Variants in GUCY2F observed in about 807,000 individuals in gnomAD.
GUCY2F encodes the protein guanylate cyclase 2F, retinal, also known as retinal guanylyl cyclase 2.
GUCY2F carries 61 observed loss-of-function variants against 73.1 expected under a neutral mutation model. The ratio of observed to expected loss-of-function variants is 0.83; its 90% CI spans 0.68 to 1.03. The LOEUF (loss-of-function observed/expected upper bound fraction) is 1.03, where lower values mean the gene tolerates loss of function less well. Ranked by LOEUF, GUCY2F falls within the 50% of genes least tolerant of loss-of-function variation. The probability of loss-of-function intolerance (pLI) is 0.00; values close to 1 mark genes in which losing one functional copy is unlikely to be tolerated. For synonymous variants in GUCY2F, 331 were observed against 307.8 expected (o/e 1.08, Z -0.79); for missense variants, 912 against 854.3 (o/e 1.07, Z -0.84).
At chrX:109,420,477 C>T (rs936456562) in intron 8 of GUCY2F, among the ~76,000 whole-genome samples, 4 of 109,719 alleles carry the variant, frequency 3.6e-5, no homozygotes, top group African/African-American at 6.6e-5. Context: ...ATAAATTGGA[C>T]AATTGGACTT....
At chrX:109,409,248 C>T in intron 8 of GUCY2F, 80 bp from the exon 9 acceptor site, 1 of 503,022 alleles carries the variant, frequency 2.0e-6, no homozygotes, top group Non-Finnish European at 3.5e-6. Context: ...ATAACCTTCT[C>T]TTGACCCTTC....
chrX:109,442,825 T>C (rs1296546779), intron 6 of GUCY2F, among the ~76,000 whole-genome samples: 1 of 111,676 alleles, frequency 9.0e-6, no homozygotes, highest in African/African-American at 3.3e-5. Context: ...AGGAATCTAT[T>C]TCCCTTTCAT....
chrX:109,441,145 A>G (rs1326905514), intron 7 of GUCY2F, among the ~76,000 whole-genome samples: 1 of 112,303 alleles, frequency 8.9e-6, no homozygotes, highest in Non-Finnish European at 1.9e-5. Context: ...TTGAAAGATC[A>G]GTGAAGTTAT....
At chrX:109,405,690 C>T (rs1049026982) in intron 9 of GUCY2F, among the ~76,000 whole-genome samples, 1 of 111,408 alleles carries the variant, frequency 9.0e-6, no homozygotes, top group Non-Finnish European at 1.9e-5. Context: ...CAAGATTCCC[C>T]CCATGTTGTC....
At chrX:109,445,048 G>A (rs1005939050) in intron 6 of GUCY2F, among the ~76,000 whole-genome samples, 2 of 111,247 alleles carry the variant, frequency 1.8e-5, no homozygotes, top group East Asian at 2.8e-4. Flanking sequence ...TAGTTTCTTC[G>A]TACAACATGG....
intron 1 of GUCY2F, among the ~76,000 whole-genome samples, chrX:109,477,994 C>G (rs993651129): frequency 3.6e-5 from 4 of 111,673 alleles, no homozygotes; most frequent in African/African-American, 1.3e-4. Flanking sequence ...AAGCCAGTGG[C>G]TGAGGGGTGT....
At position 109,475,528 on chromosome X, in the gene GUCY2F, G is replaced by A. The variant is rs780206776; in HGVS notation, c.409C>T (p.Leu137Phe). 2 of 1,208,726 alleles carry A rather than the reference G, an allele frequency of 1.7e-6. No homozygotes were observed. The highest frequency in any genetic ancestry group is 2.2e-6 in the Non-Finnish European group (2 of 894,120). Reference sequence around the variant, plus strand: ...CCTTTGTCCCAGCTGTTTCCCAGGAGCGAGGCTGCCTCGCAGTAGCCAGGG... The same window carrying A: ...CCTTTGTCCCAGCTGTTTCCCAGGAACGAGGCTGCCTCGCAGTAGCCAGGG... ...TNPGYCEAAS[L>F]LGNSWDKGIF... is the part of the protein sequence containing the mutation. The change falls in exon 2 of 20, where the codon CTC becomes TTC. Residue 137 changes from leucine to phenylalanine, a missense_variant. Physicochemically the swap from Leu to Phe is conservative, Grantham distance 22. Coordinates refer to ENST00000218006, the MANE Select transcript of GUCY2F (RefSeq NM_001522.3).
Position 109,392,055 on chromosome X carries a change from GC to G in GUCY2F, c.2636del (p.Gly879AlafsTer21), listed in dbSNP as rs1930576681. 8.3e-7 allele frequency: 1 copy of G among 1,207,222 alleles called. No homozygotes were observed. The highest frequency in any genetic ancestry group is 1.8e-5 in the African/African-American group (1 of 56,946). On this transcript the variant is annotated frameshift_variant, in exon 14 of 20. Coordinates refer to ENST00000218006, the MANE Select transcript of GUCY2F (RefSeq NM_001522.3). LOFTEE classifies it high-confidence loss of function. ...TGAAGTACAAGGTGACCAAGTCAAA[GC>G]CCTCAGGTTCAACTGTGCAGCCCTT... is the stretch of plus-strand genomic sequence containing the variant. ...LKKGCTVEPE[G>X]FDLVTLYFSD...
At chrX:109,380,694 G>T (rs755848383) in intron 17 of GUCY2F, among the ~76,000 whole-genome samples, 3 of 111,890 alleles carry the variant, frequency 2.7e-5, no homozygotes, top group Non-Finnish European at 3.8e-5. Context: ...CCCTTTTGAA[G>T]TTAAGTCCTG....
Position 109,392,090 on chromosome X carries a change from A to T in GUCY2F, c.2602T>A (p.Ser868Thr), listed in dbSNP as rs982860715. The T allele has an allele frequency of 6.7e-6, 8 of 1,198,692 alleles. No individual in the cohort carries two copies. In the African/African-American group the frequency reaches 1.2e-4, roughly 18 times the overall value. ...TCAACTGTGCAGCCCTTTTTGAGAGATTCAGCAACTGATCTGAAAAGCAGA... is the reference window on the plus strand; with the variant it reads ...TCAACTGTGCAGCCCTTTTTGAGAGTTTCAGCAACTGATCTGAAAAGCAGA... The part of the protein sequence containing the change: ...TQMLPPSVAE[S>T]LKKGCTVEPE... The change falls in exon 14 of 20, where the codon TCT becomes ACT. Residue 868 changes from serine to threonine, a missense_variant. Coordinates refer to ENST00000218006, the MANE Select transcript of GUCY2F (RefSeq NM_001522.3).
intron 2 of GUCY2F, among the ~76,000 whole-genome samples, chrX:109,473,240 C>T (rs779693908): frequency 1.8e-5 from 2 of 111,852 alleles, no homozygotes; most frequent in Non-Finnish European, 3.8e-5. Flanking sequence ...TCAAGGTCTT[C>T]GTTTGCTCCA....
intron 8 of GUCY2F, among the ~76,000 whole-genome samples, chrX:109,420,864 C>T (rs1336437594): frequency 8.9e-6 from 1 of 111,776 alleles, no homozygotes; most frequent in East Asian, 2.8e-4. Flanking sequence ...AATGTCAAAA[C>T]TGATTTGGAG....
intron 11 of GUCY2F, 82 bp downstream of exon 11, chrX:109,398,467 T>C: frequency 1.1e-6 from 1 of 912,526 alleles, no homozygotes; most frequent in Non-Finnish European, 1.6e-6. Context: ...AACACTCTTC[T>C]GGAAAATCAT....
At chrX:109,465,545 A>T in intron 2 of GUCY2F, 102 bp from the exon 3 acceptor site, 1 of 608,218 alleles carries the variant, frequency 1.6e-6, no homozygotes, top group Non-Finnish European at 2.7e-6. Flanking sequence ...ACCAATTTGT[A>T]AGTGGTTTCT....
At chrX:109,378,920 A>G (rs1941992880) in intron 17 of GUCY2F, among the ~76,000 whole-genome samples, 1 of 112,082 alleles carries the variant, frequency 8.9e-6, no homozygotes, top group Non-Finnish European at 1.9e-5. Flanking sequence ...TCAAAAAGAT[A>G]TCTGCACTCC....
intron 16 of GUCY2F, among the ~76,000 whole-genome samples, chrX:109,384,062 T>G (rs1930380014): frequency 8.9e-6 from 1 of 112,593 alleles, no homozygotes; most frequent in African/African-American, 3.2e-5. Flanking sequence ...GTCAGAAAAT[T>G]TATTCTGACA....
intron 8 of GUCY2F, among the ~76,000 whole-genome samples, chrX:109,409,566 CG>C (rs781275952): frequency 9.0e-6 from 1 of 111,147 alleles, no homozygotes; most frequent in East Asian, 2.8e-4. Context: ...AGCAAGAAAG[CG>C]GGGACCTCAA....
At chrX:109,380,782 G>A (rs1047278271) in intron 17 of GUCY2F, among the ~76,000 whole-genome samples, 1 of 111,951 alleles carries the variant, frequency 8.9e-6, no homozygotes, top group African/African-American at 3.2e-5. Flanking sequence ...TTGGGACAGG[G>A]ATGCATTTTC....
chrX:109,465,175 T>G lies in GUCY2F; in HGVS notation c.999A>C (p.Arg333Ser). 1 of 1,210,247 alleles carries G rather than the reference T, an allele frequency of 8.3e-7. No individual in the cohort carries two copies. ...FYQAFTEAAA[R>S]GEIPEKLEFD... is the part of the protein sequence containing the mutation. ...ACTCCAGCTTCTCAGGAATTTCACC[T>G]CTTGCTGCTGCCTCTGTGAAGGCTT... is the stretch of plus-strand genomic sequence containing the variant. Residue 333 changes from arginine to serine, a missense_variant, in exon 3 of 20, where the codon AGA (arginine) becomes AGC (serine). Arg to Ser is a moderately radical substitution (Grantham distance 110). Coordinates refer to ENST00000218006, the MANE Select transcript of GUCY2F (RefSeq NM_001522.3).
Sources: allele counts gnomAD v4.1 joint callset (sites outside exome capture counted in the v4.1 genomes callset), GRCh38; gene constraint gnomAD v4.1.1; transcripts MANE v1.5; gene names NCBI Gene and HGNC (gene_info 2026-07-23, HGNC 2026-07-21).